CCN6: variants seen among roughly 807,000 people sequenced by gnomAD.
The protein encoded by CCN6 is CCN family member 6.
In CCN6, 31 loss-of-function variants were observed where a neutral mutation model predicts 37.4. The ratio of observed to expected loss-of-function variants is 0.83; its 90% CI spans 0.62 to 1.12. The LOEUF (loss-of-function observed/expected upper bound fraction) is 1.12. Among genes scored for constraint, CCN6 ranks in the 50% most tolerant of loss-of-function variants. The probability of loss-of-function intolerance (pLI) is 0.00; values close to 1 mark genes in which losing one functional copy is unlikely to be tolerated. For missense variants in CCN6, 369 were observed against 413.8 expected, an observed-to-expected ratio of 0.89 and a Z score of 0.94; for synonymous variants, 137 against 142.1, an observed-to-expected ratio of 0.96 and a Z score of 0.26.
chr6:112,057,345 C>T (rs1776377231), intron 1 of CCN6, among the ~76,000 whole-genome samples: 1 of 152,204 alleles, frequency 6.6e-6, no homozygotes. Flanking sequence ...AAAGAGATTC[C>T]TCCAGGAGCA....
chr6:112,068,263 G>C lies in CCN6; in HGVS notation c.648G>C (p.Trp216Cys), dbSNP rs781860587. Residue 216 changes from tryptophan to cysteine, a missense_variant, in exon 4 of 5, where the codon TGG becomes TGC. Trp to Cys is a radical substitution (Grantham distance 215). Coordinates refer to ENST00000368666, the MANE Select transcript of CCN6 (RefSeq NM_198239.2). ...KKKCLVQATK[W>C]TPCSRTCGMG... ...AATGTCTTGTGCAAGCAACAAAATG[G>C]ACTCCCTGCTCCAGAACATGTGGGA... is the stretch of plus-strand genomic sequence containing the variant. 1.2e-5 allele frequency: 20 copies of C among 1,610,654 alleles called. No individual in the cohort carries two copies. Among genetic ancestry groups the C allele is most frequent in the Non-Finnish European group, 1.7e-5 (20 of 1,179,018 alleles).
chr6:112,056,113 G>A (rs1458797636), intron 1 of CCN6, among the ~76,000 whole-genome samples: 1 of 152,106 alleles, frequency 6.6e-6, no homozygotes, highest in East Asian at 1.9e-4. Context: ...AAATATGCCT[G>A]AGGAAAAGTG....
At chr6:112,056,782 G>T (rs1776361435) in intron 1 of CCN6, among the ~76,000 whole-genome samples, 1 of 152,190 alleles carries the variant, frequency 6.6e-6, no homozygotes, top group African/African-American at 2.4e-5. Flanking sequence ...ATCCCAAAGT[G>T]CTGGGATTAC....
At chr6:112,069,215 C>G in intron 4 of CCN6, 124 bp from the exon 5 acceptor site, 1 of 1,102,750 alleles carries the variant, frequency 9.1e-7, no homozygotes, top group Non-Finnish European at 1.3e-6. Flanking sequence ...TGCTGGAAAT[C>G]ACTACATAGC....
At chr6:112,067,093 G>A in intron 3 of CCN6, 3 of 1,238,336 alleles carry the variant, frequency 2.4e-6, no homozygotes, top group Non-Finnish European at 3.3e-6. Context: ...AGACTCTACT[G>A]TCATAACACT....
chr6:112,065,601 A>ACACGC (rs1562597599), intron 3 of CCN6, among the ~76,000 whole-genome samples: 1 of 144,104 alleles, frequency 6.9e-6, no homozygotes, highest in African/African-American at 2.5e-5. Flanking sequence ...CACACACACA[A>ACACGC]ACACACACGC....
chr6:112,053,362 TC>T (rs1554311060), upstream of CCN6, among the ~76,000 whole-genome samples: 2 of 151,270 alleles, frequency 1.3e-5, no homozygotes, highest in Non-Finnish European at 2.9e-5. Flanking sequence ...AATGGTGCGA[TC>T]TCGGCTCACT....
At chr6:112,053,870 G>A (rs1428447602), upstream of CCN6, among the ~76,000 whole-genome samples, 1 of 149,674 alleles carries the variant, frequency 6.7e-6, no homozygotes, top group South Asian at 2.2e-4. Flanking sequence ...GTTGGTGGGG[G>A]GGCCAGGCCT....
chr6:112,060,021 A>T, intron 1 of CCN6: 1 of 1,366,054 alleles, frequency 7.3e-7, no homozygotes, highest in Non-Finnish European at 9.8e-7. Flanking sequence ...CCATGAAGAT[A>T]TCTAGGGGCA....
intron 1 of CCN6, chr6:112,060,200 C>T (rs1402303596): frequency 2.4e-5 from 30 of 1,251,708 alleles, no homozygotes; most frequent in Non-Finnish European, 3.1e-5. Context: ...GGAAGTCACT[C>T]CATATGAGCA....
At chr6:112,065,618 A>ACACG in intron 3 of CCN6, among the ~76,000 whole-genome samples, 1 of 130,232 alleles carries the variant, frequency 7.7e-6, no homozygotes, top group Middle Eastern at 3.5e-3. Context: ...ACGCACACAC[A>ACACG]CACGCACGCA....
chr6:112,066,377 G>A (rs782140314), intron 3 of CCN6, among the ~76,000 whole-genome samples: 6 of 152,048 alleles, frequency 3.9e-5, no homozygotes, highest in Non-Finnish European at 8.8e-5. Flanking sequence ...GACTACCTTA[G>A]AGCAGTTTTC....
chr6:112,058,751 G>T (rs1776421822), intron 1 of CCN6, among the ~76,000 whole-genome samples: 2 of 152,202 alleles, frequency 1.3e-5, no homozygotes, highest in African/African-American at 4.8e-5. Flanking sequence ...TACAAGAACT[G>T]CAAGACACGA....
chr6:112,057,847 G>A lies in CCN6; in HGVS notation c.49-3144G>A, dbSNP rs587771699. The stretch of plus-strand genomic sequence containing the variant: ...CAAATTCAGGGTAACAGGAGCCTGC[G>A]GAGGAGATTGAGAAAGTGCGTTGAA... On this transcript the variant is annotated intron_variant, in intron 1 of 4. Coordinates refer to ENST00000368666, the MANE Select transcript of CCN6 (RefSeq NM_198239.2). Among the ~76,000 whole-genome samples the A allele has an allele frequency of 2.0e-4, 30 of 152,254 alleles. No homozygotes were observed. The East Asian group carries it at 5.6e-3, about 28-fold the overall frequency.
chr6:112,060,664 G>C (rs1280712428), intron 1 of CCN6, among the ~76,000 whole-genome samples: 2 of 151,882 alleles, frequency 1.3e-5, no homozygotes, highest in African/African-American at 4.8e-5. Context: ...ATATAGTGAG[G>C]GAAGATACTT....
rs145747429 is a variant in CCN6, at chr6:112,061,269, C to T, written c.327C>T (p.Tyr109=). 2.5e-4 allele frequency: 404 copies of T among 1,614,156 alleles called. 1 individual carries two copies. In the African/African-American group the frequency reaches 3.6e-3, roughly 14 times the overall value. The change falls in exon 2 of 5, where the codon TAC becomes TAT. Residue 109 remains tyrosine, a synonymous_variant. Transcript: ENST00000368666. ...ACTACTCAGTAGACAGGCCTAGGTA[C>T]GAGACTGGAGTGTGTGCATGTAAGT... ...YCDYSVDRPR[Y]ETGVCAYLVA... is the part of the protein sequence containing the mutation.
chr6:112,061,214 T>G lies in CCN6; in HGVS notation c.272T>G (p.Leu91Arg), dbSNP rs782192590. 6.2e-7 allele frequency: 1 copy of G among 1,614,190 alleles called. No individual in the cohort carries two copies. The highest frequency in any genetic ancestry group is 8.5e-7 in the Non-Finnish European group (1 of 1,180,020). Residue 91 changes from leucine (L) to arginine (R), a missense_variant, in exon 2 of 5, where the codon CTC becomes CGC. Transcript: ENST00000368666. ...QPGEICNEAD[L>R]CDPHKGLYCD... is the part of the protein sequence containing the mutation. ...GGGGAAATCTGCAATGAAGCTGACC[T>G]CTGTGACCCACACAAAGGGCTGTAT...
intron 1 of CCN6, among the ~76,000 whole-genome samples, chr6:112,058,699 G>A (rs782665997): frequency 6.6e-6 from 1 of 152,222 alleles, no homozygotes; most frequent in African/African-American, 2.4e-5. Context: ...CATCATATAT[G>A]CAGGGAACTA....
In CCN6 at chr6:112,069,329, A is replaced by G. The variant is rs587649287; in HGVS notation, c.784-10A>G. ...TTTAAAGAATGACTTCATTTTATCTATCTTTTCAGATTCCCAAAGGAAAAA... is the reference window on the plus strand; with the variant it reads ...TTTAAAGAATGACTTCATTTTATCTGTCTTTTCAGATTCCCAAAGGAAAAA... On this transcript the variant is annotated splice_polypyrimidine_tract_variant and intron_variant, in intron 4 of 4. Transcript: ENST00000368666. The G allele has an allele frequency of 5.6e-6, 9 of 1,612,108 alleles. No homozygotes were observed. The highest frequency in any genetic ancestry group is 2.2e-5 in the East Asian group (1 of 44,798).
Sources: gnomAD v4.1 joint callset for allele counts (sites outside exome capture counted in the v4.1 genomes callset) on GRCh38, gnomAD v4.1.1 for gene constraint, MANE v1.5 for transcripts, NCBI Gene and HGNC (gene_info 2026-07-23, HGNC 2026-07-21) for gene names.